The following IGSF9B variants were observed in gnomAD, a reference collection of about 807,000 sequenced individuals.
IGSF9B encodes the protein protein turtle homolog B.
In IGSF9B, 48 loss-of-function variants were observed where a neutral mutation model predicts 143.7. The observed-to-expected ratio is 0.33, with a 90% CI of 0.26 to 0.42. The LOEUF is 0.42. Among genes scored for constraint, IGSF9B ranks in the 20% least tolerant of loss-of-function variants. IGSF9B has a pLI of 1.00. For synonymous variants in IGSF9B, 903 were observed against 833.1 expected (o/e 1.08, Z -1.44); for missense variants, 1,706 against 1,980.0 (o/e 0.86, Z 2.63).
At chr11:133,919,194 G>C in intron 18 of IGSF9B, 1 of 391,638 alleles carries the variant, frequency 2.6e-6, no homozygotes, top group Non-Finnish European at 5.1e-6. Flanking sequence ...AGGAGAGGCT[G>C]AGGAGGGGGC....
Position 133,897,723 on chromosome 11 carries a change from A to C in IGSF9B, c.*11346T>G, listed in dbSNP as rs1939043637. 6.6e-6 allele frequency: 1 copy of C among 152,198 alleles called. No homozygotes were observed. Among genetic ancestry groups the C allele is most frequent in the African/African-American group, 2.4e-5 (1 of 41,426 alleles). The allele number at this position is 152,198 out of a possible 1,614,324, so 9.4% of individuals were successfully genotyped here. A position where few individuals can be genotyped will look rare whatever the true frequency, so the allele number is the denominator to read the frequency against. ...AGAAAAAAAAGCTTACTGAAAAAAT[A>C]GTGGTTTTATTTACTTTTGAGTTAC... On this transcript the variant is annotated 3_prime_UTR_variant, in exon 20 of 20. Coordinates refer to ENST00000533871, the MANE Select transcript of IGSF9B (RefSeq NM_001277285.4).
At chr11:133,946,389 A>G in intron 1 of IGSF9B, 131 bp from the exon 2 acceptor site, 4 of 731,042 alleles carry the variant, frequency 5.5e-6, no homozygotes, top group Admixed American at 2.2e-5. Flanking sequence ...GTACCCTCCC[A>G]GGAGGGTCCC....
rs952477277 is a variant in IGSF9B at position 133,909,009 on chromosome 11, G to C, written c.*60C>G. On this transcript the variant is annotated 3_prime_UTR_variant, in exon 20 of 20. Transcript: ENST00000533871. The surrounding 1 kb of genome is among the most constrained non-coding windows in gnomAD (Gnocchi z 4.2). The stretch of plus-strand genomic sequence containing the variant: ...ACGGAGGAGGACACACCCCCACACA[G>C]TGGCCCTCCCTGCCTGAGCCCAGCA... 9.4e-5 allele frequency: 132 copies of C among 1,399,158 alleles called. 1 individual carries two copies. Among genetic ancestry groups the C allele is most frequent in the Admixed American group, 4.0e-4 (20 of 50,488 alleles). The allele number at this position is 1,399,158 out of a possible 1,614,324, so 86.7% of individuals were successfully genotyped here.
rs1006563682 is a variant in IGSF9B, at chr11:133,953,968, G to A, written c.64+2723C>T. Among the ~76,000 whole-genome samples, 27 of 152,170 alleles carry A rather than the reference G, an allele frequency of 1.8e-4. No homozygotes were observed. Among genetic ancestry groups the A allele is most frequent in the Admixed American group, 3.9e-4 (6 of 15,296 alleles). ...AGGAGCCCATTCCAACCTCTGTCCC[G>A]CACCCGAGGGCTGATGGAGTCGGGT... On this transcript the variant is annotated intron_variant, in intron 1 of 19. Coordinates refer to ENST00000533871, the MANE Select transcript of IGSF9B (RefSeq NM_001277285.4). This position sits in a 1 kb window ranked among gnomAD's most constrained non-coding sequence, Gnocchi z 4.2.
At position 133,905,696 on chromosome 11, in the gene IGSF9B, T is replaced by A. The variant is rs1445218324; in HGVS notation, c.*3373A>T. Reference sequence around the variant, plus strand: ...CGTCCTTCCTGCTAAGAAAGTAGGATCTCAAAAGGCCTGTCCTACCCCCAG... The same window carrying A: ...CGTCCTTCCTGCTAAGAAAGTAGGAACTCAAAAGGCCTGTCCTACCCCCAG... On this transcript the variant is annotated 3_prime_UTR_variant, in exon 20 of 20. Coordinates refer to ENST00000533871, the MANE Select transcript of IGSF9B (RefSeq NM_001277285.4). The surrounding 1 kb of genome is among the most constrained non-coding windows in gnomAD (Gnocchi z 4.0). Among the ~76,000 whole-genome samples the A allele has an allele frequency of 2.6e-5, 4 of 151,932 alleles. No homozygotes were observed. In the East Asian group the frequency reaches 7.8e-4, roughly 29 times the overall value.
Position 133,945,471 on chromosome 11 carries a change from CG to C in IGSF9B, c.262+589del, listed in dbSNP as rs1459274233. Among the ~76,000 whole-genome samples the C allele has an allele frequency of 6.6e-6, 1 of 152,170 alleles. No individual in the cohort carries two copies. Among genetic ancestry groups the C allele is most frequent in the Non-Finnish European group, 1.5e-5 (1 of 68,030 alleles). On this transcript the variant is annotated intron_variant, in intron 2 of 19. Transcript: ENST00000533871. The surrounding 1 kb of genome is among the most constrained non-coding windows in gnomAD (Gnocchi z 4.6). ...GCTCGCTCAATGACACGCACACGCA[CG>C]CACACACACACCCACGCCCTCCTCT...
At chr11:133,950,618 C>T (rs576903917) in intron 1 of IGSF9B, among the ~76,000 whole-genome samples, 2 of 152,346 alleles carry the variant, frequency 1.3e-5, no homozygotes, top group African/African-American at 4.8e-5. Context: ...TTTCTTAGGG[C>T]CTGAGCCAGA....
chr11:133,938,892 C>T (rs960939190), intron 3 of IGSF9B, among the ~76,000 whole-genome samples: 9 of 152,186 alleles, frequency 5.9e-5, no homozygotes, highest in African/African-American at 1.9e-4. Flanking sequence ...AACTCCCCTA[C>T]CCTCCAGAAA....
rs1939247942 is a variant in IGSF9B, at chr11:133,908,576, T to TAC, written c.*491_*492dup. 1 of 82,866 alleles carries TAC rather than the reference T, an allele frequency of 1.2e-5. No individual in the cohort carries two copies. The allele number at this position is 82,866 out of a possible 1,614,324, so 5.1% of individuals were successfully genotyped here. ...AGAGCAACAGCACTTTGCCTCAATG[T>TAC]ACATATATATATATATATATACACA... is the stretch of plus-strand genomic sequence containing the variant. On this transcript the variant is annotated 3_prime_UTR_variant, in exon 20 of 20. Coordinates refer to ENST00000533871, the MANE Select transcript of IGSF9B (RefSeq NM_001277285.4).
chr11:133,899,670 C>T lies in IGSF9B; in HGVS notation c.*9399G>A, dbSNP rs571379400. Reference sequence around the variant, plus strand: ...GCCCGAGGTGTTGGAGCAGTTTACTCTGCTGGTTGCATGTGGCCAGAAGTC... The same window carrying T: ...GCCCGAGGTGTTGGAGCAGTTTACTTTGCTGGTTGCATGTGGCCAGAAGTC... On this transcript the variant is annotated 3_prime_UTR_variant, in exon 20 of 20. Transcript: ENST00000533871. 1 of 152,478 alleles carries T rather than the reference C, an allele frequency of 6.6e-6. No homozygotes were observed. Among genetic ancestry groups the T allele is most frequent in the East Asian group, 1.9e-4 (1 of 5,190 alleles). The allele number at this position is 152,478 out of a possible 1,614,324, so 9.4% of individuals were successfully genotyped here. A position where few individuals can be genotyped will look rare whatever the true frequency, so the allele number is the denominator to read the frequency against.
intron 2 of IGSF9B, among the ~76,000 whole-genome samples, chr11:133,944,570 TCCCGCCCCAGCTGGC>T (rs1394128351): frequency 6.6e-6 from 1 of 152,036 alleles, no homozygotes; most frequent in Non-Finnish European, 1.5e-5. Flanking sequence ...AGAGCCACTC[TCCCGCCCCAGCTGGC>T]CCTGCCCCAG....
In IGSF9B at chr11:133,903,144, C is replaced by T. The variant is rs112722061; in HGVS notation, c.*5925G>A. On this transcript the variant is annotated 3_prime_UTR_variant, in exon 20 of 20. Coordinates refer to ENST00000533871, the MANE Select transcript of IGSF9B (RefSeq NM_001277285.4). ...GAAGGGAAGCTAACTGGTGTGTATA[C>T]GGGGTGGCGAGGGAGAACCTGCCCT... Among the ~76,000 whole-genome samples the T allele has an allele frequency of 1.2e-3, 176 of 152,170 alleles. No individual in the cohort carries two copies. The highest frequency in any genetic ancestry group is 3.3e-3 in the African/African-American group (139 of 41,510).
At chr11:133,924,668 A>T (rs1939593809) in intron 15 of IGSF9B, 152 bp downstream of exon 15, 1 of 636,294 alleles carries the variant, frequency 1.6e-6, no homozygotes. Context: ...GGTGGGCTTA[A>T]GAAAGGCTAT....
chr11:133,922,755 A>C (rs377293668), intron 15 of IGSF9B, 25 bp from the exon 16 acceptor site: 1 of 1,535,942 alleles, frequency 6.5e-7, no homozygotes, highest in Non-Finnish European at 8.8e-7. Context: ...GGGAGCACTC[A>C]TGAGCCCATC....
chr11:133,924,936 G>A (rs780121352), intron 14 of IGSF9B, 32 bp from the exon 15 acceptor site: 66 of 1,584,710 alleles, frequency 4.2e-5, no homozygotes, highest in African/African-American at 6.7e-5. Flanking sequence ...CCAGTCAGCC[G>A]AGGGACCTGA....
At chr11:133,929,604 G>T in intron 12 of IGSF9B, 67 bp downstream of exon 12, 1 of 1,199,296 alleles carries the variant, frequency 8.3e-7, no homozygotes, top group Non-Finnish European at 1.2e-6. Context: ...GGGGTAGCCT[G>T]CAGGAAGACC....
rs1256009640 is a variant in IGSF9B, at chr11:133,944,339, G to T, written c.290C>A (p.Ser97Tyr). ...AGRASLHDKA[S>Y]LRLEQVRSED... ...AGAGCGAACTTGTTCCAGCCGCAGA[G>T]ATGCCTTATCATGAAGACTGGCCCG... Residue 97 changes from serine (S) to tyrosine (Y), a missense_variant, in exon 3 of 20, where the codon TCT (serine) becomes TAT (tyrosine). Ser to Tyr is a moderately radical substitution (Grantham distance 144). Coordinates refer to ENST00000533871, the MANE Select transcript of IGSF9B (RefSeq NM_001277285.4). 5.0e-6 allele frequency: 8 copies of T among 1,613,896 alleles called. No homozygotes were observed. The highest frequency in any genetic ancestry group is 6.8e-6 in the Non-Finnish European group (8 of 1,179,880).
chr11:133,939,969 C>A (rs1216987459), intron 3 of IGSF9B, among the ~76,000 whole-genome samples: 1 of 145,504 alleles, frequency 6.9e-6, no homozygotes, highest in South Asian at 2.3e-4. Context: ...TCCTCGCATG[C>A]GTCATCACAT....
rs1210728084 is a variant in IGSF9B at position 133,953,959 on chromosome 11, C to A, written c.64+2732G>T. ...GTCAAAAGGAGGAGCCCATTCCAAC[C>A]TCTGTCCCGCACCCGAGGGCTGATG... On this transcript the variant is annotated intron_variant, in intron 1 of 19. Transcript: ENST00000533871. This position sits in a 1 kb window ranked among gnomAD's most constrained non-coding sequence, Gnocchi z 4.2. Among the ~76,000 whole-genome samples, 1 of 152,190 alleles carries A rather than the reference C, an allele frequency of 6.6e-6. No individual in the cohort carries two copies. The highest frequency in any genetic ancestry group is 1.5e-5 in the Non-Finnish European group (1 of 68,034).
Sources: allele counts gnomAD v4.1 joint callset (sites outside exome capture counted in the v4.1 genomes callset), GRCh38; gene constraint gnomAD v4.1.1; non-coding constraint Gnocchi (gnomAD v3.1); transcripts MANE v1.5; gene names NCBI Gene and HGNC (gene_info 2026-07-23, HGNC 2026-07-21).